ALDH1L1: variants seen among roughly 807,000 people sequenced by gnomAD.
ALDH1L1 encodes the protein cytosolic 10-formyltetrahydrofolate dehydrogenase.
ALDH1L1 carries 68 observed loss-of-function variants against 101.1 expected under a neutral mutation model. The observed-to-expected ratio is 0.67, with a 90% CI of 0.55 to 0.82. The LOEUF (loss-of-function observed/expected upper bound fraction) is 0.82, where lower values mean the gene tolerates loss of function less well. Among genes scored for constraint, ALDH1L1 ranks in the 40% least tolerant of loss-of-function variants. The pLI, the probability that ALDH1L1 is intolerant of heterozygous loss-of-function variation, is 0.00. For missense variants in ALDH1L1, 1,087 were observed against 1,172.7 expected, an observed-to-expected ratio of 0.93 and a Z score of 1.07; for synonymous variants, 486 against 470.8, an observed-to-expected ratio of 1.03 and a Z score of -0.42.
chr3:126,134,673 C>T (rs2080388688), intron 12 of ALDH1L1, among the ~76,000 whole-genome samples: 1 of 152,208 alleles, frequency 6.6e-6, no homozygotes, highest in African/African-American at 2.4e-5. Flanking sequence ...TTTCTGGCCT[C>T]TGGAGTATAA....
chr3:126,122,815 A>G (rs1018504803), intron 16 of ALDH1L1, among the ~76,000 whole-genome samples: 1 of 152,230 alleles, frequency 6.6e-6, no homozygotes, highest in African/African-American at 2.4e-5. Flanking sequence ...CTAAAAATGT[A>G]TACTGAAAAT....
intron 1 of ALDH1L1, among the ~76,000 whole-genome samples, chr3:126,166,964 A>G (rs966037265): frequency 6.6e-6 from 1 of 152,092 alleles, no homozygotes; most frequent in Non-Finnish European, 1.5e-5. Context: ...AGTTTGGGTC[A>G]TTTTCATTTA....
At chr3:126,163,650 C>G (rs955420589) in intron 1 of ALDH1L1, among the ~76,000 whole-genome samples, 4 of 152,204 alleles carry the variant, frequency 2.6e-5, no homozygotes, top group African/African-American at 9.6e-5. Flanking sequence ...TGACTTTTAC[C>G]AAATGTTCTT....
intron 16 of ALDH1L1, among the ~76,000 whole-genome samples, chr3:126,124,110 GACACACAC>G (rs3841921): frequency 0.15 from 22,262 of 148,836 alleles, 1,711 homozygotes; most frequent in African/African-American, 0.17. Flanking sequence ...AGGGCGCGCG[GACACACAC>G]ACACACACAC....
intron 7 of ALDH1L1, chr3:126,153,230 T>C (rs2080839173): frequency 2.9e-6 from 2 of 692,406 alleles, no homozygotes; most frequent in Admixed American, 4.7e-5. Flanking sequence ...GGAGCCCAGC[T>C]TTCCCAGAAC....
intron 20 of ALDH1L1, 129 bp from the exon 21 acceptor site, chr3:126,107,375 C>T: frequency 2.9e-6 from 2 of 700,288 alleles, no homozygotes; most frequent in South Asian, 3.2e-5. Context: ...GGTCACGGCA[C>T]CCGTGTGATG....
At chr3:126,149,944 T>C (rs112976348) in intron 8 of ALDH1L1, among the ~76,000 whole-genome samples, 2 of 152,172 alleles carry the variant, frequency 1.3e-5, no homozygotes, top group African/African-American at 4.8e-5. Flanking sequence ...GACTGAGTCT[T>C]AGAGACGAAA....
At chr3:126,159,443 C>T in intron 2 of ALDH1L1, 1 of 456,732 alleles carries the variant, frequency 2.2e-6, no homozygotes, top group Non-Finnish European at 4.4e-6. Flanking sequence ...GCCTTCCACT[C>T]TTCAATACCC....
intron 1 of ALDH1L1, among the ~76,000 whole-genome samples, chr3:126,169,866 A>C (rs1346348577): frequency 6.6e-6 from 1 of 152,218 alleles, no homozygotes; most frequent in Non-Finnish European, 1.5e-5. Context: ...CTGAAAAGTA[A>C]AAATTATGTT....
chr3:126,181,296 A>T (rs1195319716), upstream of ALDH1L1: 1 of 443,334 alleles, frequency 2.3e-6, no homozygotes, highest in Non-Finnish European at 4.2e-6. Flanking sequence ...GCCTGTGTCC[A>T]GGTGGCTCCT....
intron 2 of ALDH1L1, chr3:126,160,487 C>T (rs1315127100): frequency 9.7e-6 from 2 of 205,690 alleles, no homozygotes; most frequent in African/African-American, 4.6e-5. Context: ...ATGGTGATGC[C>T]GCGCATGCCC....
chr3:126,174,983 T>TA (rs2081345511), intron 1 of ALDH1L1, among the ~76,000 whole-genome samples: 2 of 151,960 alleles, frequency 1.3e-5, no homozygotes, highest in Non-Finnish European at 2.9e-5. Flanking sequence ...TGAATAAAAC[T>TA]GAGACACCTC....
intron 11 of ALDH1L1, 29 bp downstream of exon 11, chr3:126,136,735 T>A (rs1284005069): frequency 3.9e-6 from 6 of 1,555,116 alleles, no homozygotes; most frequent in Non-Finnish European, 5.2e-6. Context: ...CTGGGGAATG[T>A]GGAGAAGGGG....
intron 1 of ALDH1L1, among the ~76,000 whole-genome samples, chr3:126,188,309 T>G (rs2081532952): frequency 6.6e-6 from 1 of 152,216 alleles, no homozygotes; most frequent in Non-Finnish European, 1.5e-5. Context: ...GTGAAACCTG[T>G]GTATGCAAAG....
upstream of ALDH1L1, chr3:126,181,000 G>A (rs778990493): frequency 1.1e-5 from 17 of 1,607,382 alleles, no homozygotes; most frequent in East Asian, 3.8e-4. Flanking sequence ...GAAAGGAGAC[G>A]CTGCCCTCCG....
chr3:126,175,677 G>T (rs1398215666), intron 1 of ALDH1L1, among the ~76,000 whole-genome samples: 1 of 152,124 alleles, frequency 6.6e-6, no homozygotes, highest in Non-Finnish European at 1.5e-5. Context: ...CAGCAAGCTA[G>T]TAATAAATGG....
upstream of ALDH1L1, chr3:126,180,666 G>A (rs182989946): frequency 1.5e-6 from 2 of 1,345,028 alleles, no homozygotes; most frequent in Non-Finnish European, 1.9e-6. Context: ...TCAGCCGAGT[G>A]GGGGCGGCGC....
intron 2 of ALDH1L1, among the ~76,000 whole-genome samples, chr3:126,158,855 C>G (rs1325995687): frequency 6.6e-6 from 1 of 152,184 alleles, no homozygotes; most frequent in African/African-American, 2.4e-5. Context: ...TTGCTGAACC[C>G]CAGGACCTCT....
In ALDH1L1 at chr3:126,103,645, G is replaced by A; in HGVS notation, c.*146C>T. ...CAAGGGCTGCTTCTGACTGGACAGA[G>A]GGCGTCCAAGATGCAGACATGGTGT... is the stretch of plus-strand genomic sequence containing the variant. On this transcript the variant is annotated 3_prime_UTR_variant, in exon 23 of 23. Transcript: ENST00000393434. The A allele has an allele frequency of 1.2e-6, 1 of 800,048 alleles. No homozygotes were observed. Among genetic ancestry groups the A allele is most frequent in the Non-Finnish European group, 2.0e-6 (1 of 494,994 alleles). The allele number at this position is 800,048 out of a possible 1,614,324, so 49.6% of individuals were successfully genotyped here. A position where few individuals can be genotyped will look rare whatever the true frequency, so the allele number is the denominator to read the frequency against.
Sources: allele counts gnomAD v4.1 joint callset (sites outside exome capture counted in the v4.1 genomes callset), GRCh38; gene constraint gnomAD v4.1.1; transcripts MANE v1.5; gene names NCBI Gene and HGNC (gene_info 2026-07-23, HGNC 2026-07-21).